The following ZFHX3 variants were observed in gnomAD, a reference collection of about 807,000 sequenced individuals.
ZFHX3 encodes zinc finger homeobox protein 3.
In ZFHX3, 42 loss-of-function variants were observed where a neutral mutation model predicts 279.1. The observed-to-expected ratio is 0.15, with a 90% CI of 0.12 to 0.19. The LOEUF (loss-of-function observed/expected upper bound fraction) is 0.19, where lower values mean the gene tolerates loss of function less well. Among genes scored for constraint, ZFHX3 ranks in the 10% least tolerant of loss-of-function variants. ZFHX3 has a pLI of 1.00. For synonymous variants in ZFHX3, 2,293 were observed against 1,957.8 expected (o/e 1.17, Z -4.52); for missense variants, 4,981 against 4,754.0 (o/e 1.05, Z -1.40).
intron 2 of ZFHX3, among the ~76,000 whole-genome samples, chr16:73,494,008 T>G: frequency 6.6e-6 from 1 of 151,554 alleles, no homozygotes; most frequent in East Asian, 2.0e-4. Context: ...TACCTTCTCC[T>G]TGAAGACTCC....
intron 1 of ZFHX3, among the ~76,000 whole-genome samples, chr16:73,010,711 A>G (rs1567631276): frequency 6.6e-6 from 1 of 151,472 alleles, no homozygotes; most frequent in Non-Finnish European, 1.5e-5. Flanking sequence ...GAAACCACCC[A>G]CTCCAGAGCC....
At chr16:73,448,290 A>G (rs2018221718) in intron 3 of ZFHX3, among the ~76,000 whole-genome samples, 1 of 152,256 alleles carries the variant, frequency 6.6e-6, no homozygotes, top group Non-Finnish European at 1.5e-5. Context: ...CCCAAGGGAA[A>G]ACAACTATCT....
At chr16:73,535,171 G>T (rs1340280972) in intron 2 of ZFHX3, among the ~76,000 whole-genome samples, 1 of 152,130 alleles carries the variant, frequency 6.6e-6, no homozygotes. Context: ...ACAATAAGTA[G>T]CACCCCATAA....
chr16:72,978,322 A>T (rs1962443362), intron 1 of ZFHX3, among the ~76,000 whole-genome samples: 1 of 152,124 alleles, frequency 6.6e-6, no homozygotes, highest in Non-Finnish European at 1.5e-5. Context: ...TGATGAGATT[A>T]TTTTACCGGA....
chr16:73,518,993 G>A (rs943997505), intron 2 of ZFHX3, among the ~76,000 whole-genome samples: 3 of 152,178 alleles, frequency 2.0e-5, no homozygotes, highest in South Asian at 2.1e-4. Context: ...GCACTAAGTG[G>A]TATTCACTGT....
At chr16:72,982,225 C>T (rs879508759) in intron 1 of ZFHX3, among the ~76,000 whole-genome samples, 12 of 152,120 alleles carry the variant, frequency 7.9e-5, no homozygotes, top group Non-Finnish European at 1.8e-4. Flanking sequence ...CTCTAACAAT[C>T]TTTTTAAATA....
chr16:73,777,446 T>C (rs565463852), intron 1 of ZFHX3, among the ~76,000 whole-genome samples: 57 of 125,292 alleles, frequency 4.5e-4, no homozygotes, highest in Non-Finnish European at 7.7e-4. Context: ...GAGGTTGCAG[T>C]GAGCCAAGAT....
chr16:73,147,902 G>C (rs1328706831), intron 5 of ZFHX3, among the ~76,000 whole-genome samples: 1 of 151,950 alleles, frequency 6.6e-6, no homozygotes, highest in Non-Finnish European at 1.5e-5. Flanking sequence ...CCATAGCCCG[G>C]GCTTTTCCAT....
chr16:73,554,046 G>T (rs2020239871), intron 2 of ZFHX3, among the ~76,000 whole-genome samples: 1 of 152,156 alleles, frequency 6.6e-6, no homozygotes, highest in Admixed American at 6.5e-5. Context: ...ATGTATGCAG[G>T]CAACAGGGAG....
At chr16:72,954,399 G>T (rs1018919824) in intron 2 of ZFHX3, among the ~76,000 whole-genome samples, 1 of 152,076 alleles carries the variant, frequency 6.6e-6, no homozygotes, top group African/African-American at 2.4e-5. Context: ...AAAGAACTTG[G>T]CAGGTCCTTA....
chr16:73,264,224 T>G (rs1184168449), intron 4 of ZFHX3, among the ~76,000 whole-genome samples: 4 of 152,126 alleles, frequency 2.6e-5, no homozygotes. Context: ...AAGTATTCAT[T>G]CCCCCTCTTC....
At chr16:73,637,849 G>C (rs2052541819) in intron 2 of ZFHX3, among the ~76,000 whole-genome samples, 2 of 151,964 alleles carry the variant, frequency 1.3e-5, no homozygotes, top group Admixed American at 6.6e-5. Context: ...TCCCCCACTA[G>C]AAAATAAGAC....
intron 2 of ZFHX3, among the ~76,000 whole-genome samples, chr16:73,544,409 G>A (rs923656518): frequency 6.6e-6 from 1 of 152,140 alleles, no homozygotes; most frequent in East Asian, 1.9e-4. Context: ...CAGGCCTGCC[G>A]GGTCCGGAAT....
chr16:73,690,692 T>C (rs2053140458), intron 1 of ZFHX3, among the ~76,000 whole-genome samples: 1 of 152,214 alleles, frequency 6.6e-6, no homozygotes, highest in Non-Finnish European at 1.5e-5. Flanking sequence ...AATTGTGCAT[T>C]GTGAGTTTTC....
chr16:72,849,069 G>C (rs1042656447), intron 4 of ZFHX3, among the ~76,000 whole-genome samples: 84 of 152,140 alleles, frequency 5.5e-4, no homozygotes, highest in African/African-American at 1.9e-3. Flanking sequence ...AATGAAGCCC[G>C]GGGGTGGGGG....
At chr16:72,970,214 T>TC (rs1230553737) in intron 1 of ZFHX3, among the ~76,000 whole-genome samples, 4 of 152,088 alleles carry the variant, frequency 2.6e-5, no homozygotes, top group Non-Finnish European at 5.9e-5. Flanking sequence ...AAAAAGATTT[T>TC]TTTTTTTTTT....
At chr16:73,792,856 A>ACACCC (rs1959869319) in intron 1 of ZFHX3, among the ~76,000 whole-genome samples, 1 of 135,100 alleles carries the variant, frequency 7.4e-6, no homozygotes, top group African/African-American at 2.9e-5. Context: ...CATACAGTGC[A>ACACCC]CCCCCCCCCT....
chr16:73,477,883 A>C (rs906893003), intron 2 of ZFHX3, among the ~76,000 whole-genome samples: 1 of 152,096 alleles, frequency 6.6e-6, no homozygotes, highest in African/African-American at 2.4e-5. Flanking sequence ...ACAGCTATAT[A>C]AGATCTTGGC....
intron 3 of ZFHX3, among the ~76,000 whole-genome samples, chr16:72,914,772 C>G (rs2144204286): frequency 6.6e-6 from 1 of 152,260 alleles, no homozygotes; most frequent in African/African-American, 2.4e-5. Context: ...AGGCAGGTCA[C>G]TTGAGGTCAG....
Sources: allele counts gnomAD v4.1 joint callset (sites outside exome capture counted in the v4.1 genomes callset), GRCh38; gene constraint gnomAD v4.1.1; transcripts MANE v1.5; gene names NCBI Gene and HGNC (gene_info 2026-07-23, HGNC 2026-07-21).